Variants in TMEM171 observed in about 807,000 individuals in gnomAD.
The protein encoded by TMEM171 is transmembrane protein 171.
Under a neutral mutation model 19.1 loss-of-function variants are expected in TMEM171, and 16 were observed. The ratio of observed to expected loss-of-function variants is 0.84; its 90% confidence interval spans 0.57 to 1.27. TMEM171 has a LOEUF of 1.27. TMEM171 is among the 50% of genes most tolerant of loss of function. TMEM171 has a pLI of 0.00. For synonymous variants in TMEM171, 153 were observed against 163.4 expected, an observed-to-expected ratio of 0.94 and a Z score of 0.48; for missense variants, 429 against 412.7, an observed-to-expected ratio of 1.04 and a Z score of -0.34.
rs1744362903 is a variant in TMEM171 at position 73,131,665 on chromosome 5, T to G, written c.910T>G (p.Tyr304Asp). ...PHLPSELPPR[Y>D]EEKENAAATF... ...TCTTCCATCTGAATTGCCTCCTAGA[T>G]ATGAAGAAAAAGAAAATGCTGCAGC... The change falls in exon 4 of 4, where the codon TAT becomes GAT. Residue 304 changes from tyrosine (Y) to aspartate (D), a missense_variant. Tyr to Asp is a radical substitution (Grantham distance 160). Transcript: ENST00000454765. 3.7e-6 allele frequency: 6 copies of G among 1,613,844 alleles called. No individual in the cohort carries two copies. The highest frequency in any genetic ancestry group is 5.1e-6 in the Non-Finnish European group (6 of 1,179,992).
chr5:73,127,696 C>T (rs551558851), intron 2 of TMEM171, among the ~76,000 whole-genome samples: 39 of 149,558 alleles, frequency 2.6e-4, no homozygotes, highest in South Asian at 1.3e-3. Flanking sequence ...CCACCCGCTT[C>T]GGCCTTCCAA....
rs1744367135 is a variant in TMEM171, at chr5:73,131,735, T to G, written c.*5T>G. 1.9e-6 allele frequency: 3 copies of G among 1,599,284 alleles called. No homozygotes were observed. Among genetic ancestry groups the G allele is most frequent in the Non-Finnish European group, 8.5e-7 (1 of 1,174,632 alleles). ...TCTGAGCCTTCCCCACCGTAAACTATGGACTCTAGTTCAGTTTTATATGCA... is the reference window on the plus strand; with the variant it reads ...TCTGAGCCTTCCCCACCGTAAACTAGGGACTCTAGTTCAGTTTTATATGCA... On this transcript the variant is annotated 3_prime_UTR_variant, in exon 4 of 4. Coordinates refer to ENST00000454765, the MANE Select transcript of TMEM171 (RefSeq NM_173490.8).
At position 73,123,865 on chromosome 5, in the gene TMEM171, G is replaced by T; in HGVS notation, c.492G>T (p.Gln164His). The T allele has an allele frequency of 1.9e-6, 3 of 1,614,068 alleles. No homozygotes were observed. Among genetic ancestry groups the T allele is most frequent in the Non-Finnish European group, 2.5e-6 (3 of 1,179,986 alleles). The part of the protein sequence containing the change: ...EPRMCGFLSL[Q>H]IMGPLIVLVG... ...GGATGTGTGGGTTCCTTTCTCTGCA[G>T]ATCATGGGGCCCTTGATTGTGCTTG... is the stretch of plus-strand genomic sequence containing the variant. Residue 164 changes from glutamine to histidine, a missense_variant, in exon 2 of 4, where the codon CAG becomes CAT. Transcript: ENST00000454765.
chr5:73,124,143 C>T (rs538740024), intron 2 of TMEM171, 130 bp downstream of exon 2: 75 of 768,868 alleles, frequency 9.8e-5, no homozygotes, highest in Middle Eastern at 3.9e-4. Context: ...TGTGTGCACA[C>T]GCACACACCC....
Position 73,120,671 on chromosome 5 carries a change from C to G in TMEM171, c.-94C>G. 1.0e-6 allele frequency: 1 copy of G among 984,430 alleles called. No homozygotes were observed. Among genetic ancestry groups the G allele is most frequent in the African/African-American group, 1.7e-5 (1 of 57,236 alleles). The allele number at this position is 984,430 out of a possible 1,614,324, so 61.0% of individuals were successfully genotyped here. A position where few individuals can be genotyped will look rare whatever the true frequency, so the allele number is the denominator to read the frequency against. ...CAGCCAGTGCCCACAGCAGCGCGGT[C>G]AGCCAGGCGCCGGACCCAGCTTCAG... On this transcript the variant is annotated 5_prime_UTR_variant, in exon 1 of 4. Coordinates refer to ENST00000454765, the MANE Select transcript of TMEM171 (RefSeq NM_173490.8).
intron 2 of TMEM171, among the ~76,000 whole-genome samples, chr5:73,125,769 T>C (rs1475195881): frequency 6.6e-6 from 1 of 152,206 alleles, no homozygotes; most frequent in Non-Finnish European, 1.5e-5. Context: ...CTGCTCCTGG[T>C]GTCCTTGTCC....
chr5:73,124,150 A>C, intron 2 of TMEM171, 137 bp downstream of exon 2: 6 of 729,172 alleles, frequency 8.2e-6, no homozygotes, highest in South Asian at 2.7e-5. Flanking sequence ...ACACGCACAC[A>C]CCCCCATCAT....
chr5:73,127,384 A>AAAAAAAAATAT lies in TMEM171; in HGVS notation c.641-1005_641-1004insAAAAAAATATA. ...AAATTTGTGGTAAAAAAAAAAAAAA[A>AAAAAAAAATAT]ATATATATATATATATATATATAAA... On this transcript the variant is annotated intron_variant, in intron 2 of 3. Transcript: ENST00000454765. Among the ~76,000 whole-genome samples, 6 of 81,694 alleles carry AAAAAAAAATAT rather than the reference A, an allele frequency of 7.3e-5. 1 individual carries two copies. Among genetic ancestry groups the AAAAAAAAATAT allele is most frequent in the African/African-American group, 3.9e-4 (6 of 15,200 alleles). 53.6% of individuals were successfully genotyped at this position (81,694 alleles called of 152,430 possible).
intron 2 of TMEM171, among the ~76,000 whole-genome samples, chr5:73,127,408 A>ATATATATATATATATAT (rs1561513446): frequency 9.4e-6 from 1 of 105,928 alleles, no homozygotes; most frequent in African/African-American, 5.1e-5. Context: ...TATATATATA[A>ATATATATATATATATAT]AGCATAAACA....
rs1580241500 is a variant in TMEM171, at chr5:73,131,750, T to C, written c.*20T>C. The stretch of plus-strand genomic sequence containing the variant: ...CCGTAAACTATGGACTCTAGTTCAG[T>C]TTTATATGCAATGGATCACTATTTT... On this transcript the variant is annotated 3_prime_UTR_variant, in exon 4 of 4. Transcript: ENST00000454765. 1 of 1,553,656 alleles carries C rather than the reference T, an allele frequency of 6.4e-7. No homozygotes were observed. The highest frequency in any genetic ancestry group is 8.7e-7 in the Non-Finnish European group (1 of 1,153,314).
chr5:73,129,470 T>C (rs1744274023), intron 3 of TMEM171, among the ~76,000 whole-genome samples: 1 of 152,186 alleles, frequency 6.6e-6, no homozygotes, highest in Non-Finnish European at 1.5e-5. Context: ...TTTGGTCCTT[T>C]TGTTACTCAG....
intron 2 of TMEM171, among the ~76,000 whole-genome samples, chr5:73,126,673 T>G (rs1181481229): frequency 6.6e-6 from 1 of 152,210 alleles, no homozygotes; most frequent in Non-Finnish European, 1.5e-5. Flanking sequence ...CTGTGGCGGC[T>G]GAGGTCAAGG....
chr5:73,125,955 G>T (rs753747417), intron 2 of TMEM171, among the ~76,000 whole-genome samples: 11 of 152,182 alleles, frequency 7.2e-5, no homozygotes, highest in Non-Finnish European at 1.6e-4. Flanking sequence ...TGCTATCCTG[G>T]ATACACAGCA....
At chr5:73,130,758 G>T (rs1744330147) in intron 3 of TMEM171, among the ~76,000 whole-genome samples, 1 of 152,186 alleles carries the variant, frequency 6.6e-6, no homozygotes, top group Non-Finnish European at 1.5e-5. Context: ...GAACGGCCCT[G>T]CATGGAGAAA....
In TMEM171 at chr5:73,128,503, C is replaced by T. The variant is rs1337494354; in HGVS notation, c.754C>T (p.Pro252Ser). ...TNSLLPNENP[P>S]SYYSIFNYGR... ...CAGTCTGCTTCCGAATGAAAACCCC[C>T]CTTCATATTACAGTATTTTCAACTA... Residue 252 changes from proline (P) to serine (S), a missense_variant, in exon 3 of 4, where the codon CCT (proline) becomes TCT (serine). By Grantham distance (74) the Pro-to-Ser change is moderately conservative. Transcript: ENST00000454765. 5 of 1,613,950 alleles carry T rather than the reference C, an allele frequency of 3.1e-6. No homozygotes were observed. The highest frequency in any genetic ancestry group is 1.6e-4 in the Middle Eastern group (1 of 6,084).
intron 3 of TMEM171, among the ~76,000 whole-genome samples, chr5:73,130,327 G>A (rs1185029448): frequency 1.3e-5 from 2 of 152,148 alleles, no homozygotes; most frequent in Non-Finnish European, 2.9e-5. Context: ...AGAAGGCTCT[G>A]GTGGTACCTT....
chr5:73,128,357 A>G (rs1479012036), intron 2 of TMEM171, 33 bp from the exon 3 acceptor site: 1 of 1,602,674 alleles, frequency 6.2e-7, no homozygotes, highest in African/African-American at 1.3e-5. Flanking sequence ...TTTATTACCC[A>G]CCTGTTGTCA....
In TMEM171 at chr5:73,131,600, C is replaced by G. The variant is rs896276259; in HGVS notation, c.845C>G (p.Ser282Cys). 6.2e-6 allele frequency: 10 copies of G among 1,613,808 alleles called. No homozygotes were observed. The change falls in exon 4 of 4, where the codon TCT becomes TGT. Residue 282 changes from serine (S) to cysteine (C), a missense_variant. Coordinates refer to ENST00000454765, the MANE Select transcript of TMEM171 (RefSeq NM_173490.8). ...GACTGTGAATCTATATATACCATTT[C>G]TGGGACGAATTCATCTTCTGAGGCC... ...ERDCESIYTISGTNSSSEASH... is the reference protein window; with the variant it reads ...ERDCESIYTICGTNSSSEASH...
intron 2 of TMEM171, among the ~76,000 whole-genome samples, chr5:73,127,045 A>G (rs1271895374): frequency 1.3e-5 from 2 of 152,154 alleles, no homozygotes; most frequent in Non-Finnish European, 1.5e-5. Flanking sequence ...TTTGGGTTCA[A>G]CCTTCATCTG....
Sources: allele counts gnomAD v4.1 joint callset (sites outside exome capture counted in the v4.1 genomes callset), GRCh38; gene constraint gnomAD v4.1.1; transcripts MANE v1.5; gene names NCBI Gene and HGNC (gene_info 2026-07-23, HGNC 2026-07-21).